The following YEATS2 variants were observed in gnomAD, a reference collection of about 807,000 sequenced individuals.
The protein encoded by YEATS2 is YEATS domain containing 2.
Under a neutral mutation model 163.2 loss-of-function variants are expected in YEATS2, and 77 were observed. The observed-to-expected ratio is 0.47, with a 90% CI of 0.39 to 0.57. The LOEUF (loss-of-function observed/expected upper bound fraction) is 0.57. YEATS2 is among the 20% of genes least tolerant of loss of function. The probability of loss-of-function intolerance (pLI) is 0.00; values close to 1 mark genes in which losing one functional copy is unlikely to be tolerated. For synonymous variants in YEATS2, 631 were observed against 645.1 expected (o/e 0.98, Z 0.33); for missense variants, 1,549 against 1,729.8 (o/e 0.90, Z 1.85).
intron 8 of YEATS2, among the ~76,000 whole-genome samples, chr3:183,745,943 C>T (rs1040109431): frequency 1.3e-5 from 2 of 152,122 alleles, no homozygotes; most frequent in African/African-American, 2.4e-5. Context: ...GCAATCCTCC[C>T]GCATCATCCT....
chr3:183,773,757 C>A lies in YEATS2; in HGVS notation c.2331C>A (p.Ile777=). 6.2e-7 allele frequency: 1 copy of A among 1,613,278 alleles called. No individual in the cohort carries two copies. Among genetic ancestry groups the A allele is most frequent in the Non-Finnish European group, 8.5e-7 (1 of 1,179,750 alleles). ...CAGGAAAAGGAAAACTGCTGCTGAT[C>A]CCTCAAGGAGCCATCCTGCGAGCTA... The part of the protein sequence containing the change: ...NPSGKGKLLL[I]PQGAILRATN... Residue 777 remains isoleucine, a synonymous_variant, in exon 17 of 31, where the codon ATC becomes ATA. Transcript: ENST00000305135.
At chr3:183,706,367 A>T (rs903627317) in intron 1 of YEATS2, among the ~76,000 whole-genome samples, 3 of 152,132 alleles carry the variant, frequency 2.0e-5, no homozygotes, top group Non-Finnish European at 4.4e-5. Context: ...AAGGAATGGA[A>T]ATTTGTTCTA....
At chr3:183,786,693 G>C (rs1189084647) in intron 20 of YEATS2, among the ~76,000 whole-genome samples, 2 of 152,150 alleles carry the variant, frequency 1.3e-5, no homozygotes, top group African/African-American at 4.8e-5. Flanking sequence ...GTCTGCTTCT[G>C]ATGCTTAGCA....
intron 5 of YEATS2, among the ~76,000 whole-genome samples, chr3:183,722,951 T>C (rs1439113265): frequency 1.3e-5 from 2 of 152,226 alleles, no homozygotes; most frequent in Non-Finnish European, 2.9e-5. Context: ...CGCGCCCGAC[T>C]TAAACCTGAG....
intron 25 of YEATS2, chr3:183,801,760 T>C (rs1725684597): frequency 7.1e-6 from 3 of 419,978 alleles, no homozygotes; most frequent in Non-Finnish European, 1.3e-5. Context: ...ATTTTTCATA[T>C]GTAAATCATA....
chr3:183,810,224 G>T, intron 30 of YEATS2: 1 of 417,916 alleles, frequency 2.4e-6, no homozygotes, highest in Non-Finnish European at 4.4e-6. Context: ...CATCCGCTTT[G>T]TTTTCTTTCT....
chr3:183,748,050 T>A (rs1258148479), intron 9 of YEATS2, among the ~76,000 whole-genome samples: 1 of 152,020 alleles, frequency 6.6e-6, no homozygotes, highest in Non-Finnish European at 1.5e-5. Flanking sequence ...TTTTTTTTTT[T>A]AAAGTTTGCC....
At position 183,762,727 on chromosome 3, in the gene YEATS2, A is replaced by G. The variant is rs187917174; in HGVS notation, c.1947+448A>G. ...TTTTTTTTTAATAATTTGGAGGTAC[A>G]GGAGAATTAATGTATTGAGAGAATT... On this transcript the variant is annotated intron_variant, in intron 15 of 30. Coordinates refer to ENST00000305135, the MANE Select transcript of YEATS2 (RefSeq NM_018023.5). 1.8e-4 allele frequency among the ~76,000 whole-genome samples: 28 copies of G among 151,904 alleles called. No individual in the cohort carries two copies. In the East Asian group the frequency reaches 5.0e-3, roughly 27 times the overall value.
intron 1 of YEATS2, among the ~76,000 whole-genome samples, chr3:183,713,348 A>T (rs981950433): frequency 6.6e-6 from 1 of 152,142 alleles, no homozygotes; most frequent in Non-Finnish European, 1.5e-5. Flanking sequence ...GTGGATCATG[A>T]GGTCAGGAGT....
At chr3:183,798,796 TTAGTC>T (rs1284085478) in intron 22 of YEATS2, 90 bp from the exon 23 acceptor site, 6 of 945,884 alleles carry the variant, frequency 6.3e-6, no homozygotes, top group Non-Finnish European at 1.0e-5. Context: ...CTTTGTGCTG[TTAGTC>T]TAATGTGGGG....
At chr3:183,755,115 A>G (rs1357031063) in intron 11 of YEATS2, among the ~76,000 whole-genome samples, 1 of 151,980 alleles carries the variant, frequency 6.6e-6, no homozygotes, top group Non-Finnish European at 1.5e-5. Flanking sequence ...TCTAATTGGT[A>G]GGCAATTTTT....
At position 183,790,929 on chromosome 3, in the gene YEATS2, A is replaced by C; in HGVS notation, c.3046A>C (p.Thr1016Pro). 1.9e-6 allele frequency: 3 copies of C among 1,614,122 alleles called. No homozygotes were observed. The highest frequency in any genetic ancestry group is 2.5e-6 in the Non-Finnish European group (3 of 1,180,020). ...KAATPTVVSATSLVPTPNPIS... is the reference protein window; with the variant it reads ...KAATPTVVSAPSLVPTPNPIS... ...TGCCACCCCCACCGTCGTCAGCGCC[A>C]CGTCCCTCGTGCCTACACCAAACCC... The change falls in exon 21 of 31, where the codon ACG becomes CCG. Residue 1016 changes from threonine (T) to proline (P), a missense_variant. Physicochemically the swap from Thr to Pro is conservative, Grantham distance 38. Transcript: ENST00000305135.
intron 20 of YEATS2, among the ~76,000 whole-genome samples, chr3:183,789,972 T>C (rs1724452966): frequency 6.6e-6 from 1 of 152,240 alleles, no homozygotes; most frequent in African/African-American, 2.4e-5. Flanking sequence ...CAGACTTGAA[T>C]GATGTGGCTT....
At chr3:183,784,500 A>C (rs556475146) in intron 19 of YEATS2, among the ~76,000 whole-genome samples, 3 of 152,190 alleles carry the variant, frequency 2.0e-5, no homozygotes, top group Non-Finnish European at 4.4e-5. Context: ...TCTGGATATT[A>C]GACCTTTGTC....
At chr3:183,766,088 A>G (rs1721876934) in intron 15 of YEATS2, among the ~76,000 whole-genome samples, 1 of 152,182 alleles carries the variant, frequency 6.6e-6, no homozygotes, top group South Asian at 2.1e-4. Context: ...TGACATGAAA[A>G]GGGACAACTG....
At chr3:183,699,078 G>A (rs1037884762) in intron 1 of YEATS2, among the ~76,000 whole-genome samples, 3 of 152,176 alleles carry the variant, frequency 2.0e-5, no homozygotes, top group African/African-American at 7.2e-5. Flanking sequence ...TACGAGGTCA[G>A]TTACTGTGCT....
chr3:183,787,841 CAAAA>C (rs1390922658), intron 20 of YEATS2, among the ~76,000 whole-genome samples: 6 of 142,850 alleles, frequency 4.2e-5, no homozygotes, highest in African/African-American at 1.3e-4. Flanking sequence ...ACTAAAAATA[CAAAA>C]AAAAAAAATT....
At chr3:183,762,563 A>T (rs1055802617) in intron 15 of YEATS2, among the ~76,000 whole-genome samples, 1 of 152,240 alleles carries the variant, frequency 6.6e-6, no homozygotes, top group Non-Finnish European at 1.5e-5. Context: ...ACTCATGGGC[A>T]CAGCTTTCTA....
At chr3:183,764,494 AG>A (rs1443791012) in intron 15 of YEATS2, among the ~76,000 whole-genome samples, 1 of 150,998 alleles carries the variant, frequency 6.6e-6, no homozygotes, top group East Asian at 1.9e-4. Context: ...TTTAGCTATC[AG>A]ATAGAGATTA....
Sources: allele counts gnomAD v4.1 joint callset (sites outside exome capture counted in the v4.1 genomes callset), GRCh38; gene constraint gnomAD v4.1.1; transcripts MANE v1.5; gene names NCBI Gene and HGNC (gene_info 2026-07-23, HGNC 2026-07-21).